Variants in TJP2 observed in about 807,000 individuals in gnomAD.
TJP2 encodes the protein Friedreich ataxia region gene X104 (tight junction protein ZO-2).
TJP2 carries 91 observed loss-of-function variants against 133.1 expected under a neutral mutation model. The ratio of observed to expected loss-of-function variants is 0.68; its 90% CI spans 0.58 to 0.81. The LOEUF is 0.81. Ranked by LOEUF, TJP2 falls within the 40% of genes least tolerant of loss-of-function variation. The pLI is 0.00. For missense variants in TJP2, 1,541 were observed against 1,565.6 expected (o/e 0.98, Z 0.26); for synonymous variants, 592 against 583.4 (o/e 1.01, Z -0.21).
upstream of TJP2, chr9:69,174,100 C>T: frequency 8.5e-7 from 1 of 1,170,204 alleles, no homozygotes; most frequent in East Asian, 4.1e-5. Context: ...GCCGGCGAGC[C>T]CTTCCCCGGC....
intron 12 of TJP2, among the ~76,000 whole-genome samples, chr9:69,235,229 T>G (rs1010237354): frequency 2.0e-5 from 3 of 152,128 alleles, no homozygotes; most frequent in African/African-American, 7.2e-5. Flanking sequence ...CAGTACCAAG[T>G]CAGGGAAAAG....
In TJP2 at chr9:69,216,413, A is replaced by G. The variant is rs1405864390; in HGVS notation, c.189A>G (p.Ser63=). 6.2e-7 allele frequency: 1 copy of G among 1,614,206 alleles called. No individual in the cohort carries two copies. Among genetic ancestry groups the G allele is most frequent in the Admixed American group, 1.7e-5 (1 of 60,020 alleles). ...CCCACTTTGAAAATGGAGAAACGTC[A>G]ATTGTCATTTCTGATGTGCTCCCGG... ...DNPHFENGET[S]IVISDVLPGG... The change falls in exon 3 of 23, where the codon TCA becomes TCG. Residue 63 remains serine (S), a synonymous_variant. Coordinates refer to ENST00000377245, the MANE Select transcript of TJP2 (RefSeq NM_004817.4).
At chr9:69,165,277 G>C (rs1351551646) in intron 2 of TJP2, among the ~76,000 whole-genome samples, 1 of 152,118 alleles carries the variant, frequency 6.6e-6, no homozygotes, top group African/African-American at 2.4e-5. Context: ...TCAGGTGTGT[G>C]CCATCACGCT....
At chr9:69,216,299 T>C (rs757616349) in intron 2 of TJP2, 40 bp from the exon 3 acceptor site, 1 of 1,613,300 alleles carries the variant, frequency 6.2e-7, no homozygotes. Context: ...GAAAGCCACT[T>C]ATTGAAGGAT....
chr9:69,140,139 A>G (rs1024939183), intron 1 of TJP2, among the ~76,000 whole-genome samples: 8 of 152,232 alleles, frequency 5.3e-5, no homozygotes, highest in Non-Finnish European at 4.4e-5. Flanking sequence ...AGGGCAGAAT[A>G]GGAACACCAA....
At chr9:69,247,890 GC>G in intron 18 of TJP2, 121 bp from the exon 19 acceptor site, 1 of 934,382 alleles carries the variant, frequency 1.1e-6, no homozygotes, top group South Asian at 2.1e-5. Context: ...AATAAAAGAT[GC>G]CTTCCCTGGC....
chr9:69,172,217 G>C (rs375887128), upstream of TJP2, among the ~76,000 whole-genome samples: 8 of 152,196 alleles, frequency 5.3e-5, no homozygotes, highest in East Asian at 1.2e-3. Context: ...ACTGCCACCA[G>C]CAAAAAAGCT....
At chr9:69,249,263 G>A in intron 19 of TJP2, 112 bp from the exon 20 acceptor site, 2 of 1,532,490 alleles carry the variant, frequency 1.3e-6, no homozygotes, top group Non-Finnish European at 1.8e-6. Flanking sequence ...CACCGGCTCA[G>A]AACCTCAACT....
intron 1 of TJP2, among the ~76,000 whole-genome samples, chr9:69,134,768 G>A (rs144134437): frequency 1.3e-5 from 2 of 152,338 alleles, no homozygotes; most frequent in East Asian, 3.9e-4. Flanking sequence ...GGTGGGTTAA[G>A]TAACAGACAT....
rs754138978 is a variant in TJP2, at chr9:69,229,177, C to T, written c.1454-7C>T. ...ATTGATAACAGTAGATGTTTCTTAA[C>T]CTACAGCTCCTCAACCAAAAGCAGC... On this transcript the variant is annotated splice_polypyrimidine_tract_variant and splice_region_variant and intron_variant, in intron 9 of 22. Coordinates refer to ENST00000377245, the MANE Select transcript of TJP2 (RefSeq NM_004817.4). 6.2e-7 allele frequency: 1 copy of T among 1,613,868 alleles called. No homozygotes were observed.
intron 17 of TJP2, among the ~76,000 whole-genome samples, chr9:69,244,203 A>T (rs1406886783): frequency 6.6e-6 from 1 of 151,728 alleles, no homozygotes; most frequent in Non-Finnish European, 1.5e-5. Flanking sequence ...AAAAAAAAAA[A>T]AAAAGTATGC....
Position 69,239,258 on chromosome 9 carries a change from C to T in TJP2, c.2355+469C>T, listed in dbSNP as rs376956438. 1.3e-4 allele frequency among the ~76,000 whole-genome samples: 20 copies of T among 149,116 alleles called. No homozygotes were observed. The South Asian group carries it at 2.1e-3, about 16-fold the overall frequency. Reference sequence around the variant, plus strand: ...GAAACCAGTCACTGTTGGCAGTGAGCGGAGATTGCACCATTGCACTCCAGC... The same window carrying T: ...GAAACCAGTCACTGTTGGCAGTGAGTGGAGATTGCACCATTGCACTCCAGC... On this transcript the variant is annotated intron_variant, in intron 16 of 22. Transcript: ENST00000377245.
At chr9:69,156,698 A>T (rs1233587389) in intron 2 of TJP2, among the ~76,000 whole-genome samples, 1 of 151,498 alleles carries the variant, frequency 6.6e-6, no homozygotes, top group Non-Finnish European at 1.5e-5. Context: ...CGCCCGGCTA[A>T]TTTTTTGTGT....
chr9:69,160,481 C>G (rs561891511), intron 2 of TJP2, among the ~76,000 whole-genome samples: 2 of 152,142 alleles, frequency 1.3e-5, no homozygotes, highest in Admixed American at 6.6e-5. Flanking sequence ...CTTCACTACT[C>G]TAGGAATGTG....
At chr9:69,163,591 G>C (rs1824200282) in intron 2 of TJP2, among the ~76,000 whole-genome samples, 1 of 151,058 alleles carries the variant, frequency 6.6e-6, no homozygotes, top group African/African-American at 2.4e-5. Context: ...ACCTGAGATT[G>C]TATCAGTGCA....
At chr9:69,236,302 G>GC (rs1265872111) in intron 13 of TJP2, 64 bp downstream of exon 13, 26 of 1,536,730 alleles carry the variant, frequency 1.7e-5, no homozygotes, top group South Asian at 2.3e-5. Context: ...ACTAGAGACC[G>GC]CCCCCCTTCC....
chr9:69,174,827 C>T (rs952257505), intron 1 of TJP2, among the ~76,000 whole-genome samples: 2 of 151,894 alleles, frequency 1.3e-5, no homozygotes, highest in Non-Finnish European at 2.9e-5. Flanking sequence ...GGCTTGTGTA[C>T]GTGAGAGAAA....
At chr9:69,203,939 G>A (rs1205752819) in intron 1 of TJP2, among the ~76,000 whole-genome samples, 1 of 152,052 alleles carries the variant, frequency 6.6e-6, no homozygotes, top group African/African-American at 2.4e-5. Flanking sequence ...ACATAAACTT[G>A]TATTCATTTT....
upstream of TJP2, among the ~76,000 whole-genome samples, chr9:69,172,681 TAGTC>T (rs368947984): frequency 5.3e-4 from 80 of 152,368 alleles, no homozygotes; most frequent in Middle Eastern, 3.4e-3. Context: ...TCATTTTTAT[TAGTC>T]AGCACCACCT....
Sources: allele counts gnomAD v4.1 joint callset (sites outside exome capture counted in the v4.1 genomes callset), GRCh38; gene constraint gnomAD v4.1.1; transcripts MANE v1.5; gene names NCBI Gene and HGNC (gene_info 2026-07-23, HGNC 2026-07-21).